PDZRN3: variants seen among roughly 807,000 people sequenced by gnomAD.
PDZRN3 encodes PDZ domain containing ring finger 3.
In PDZRN3, 38 loss-of-function variants were observed where a neutral mutation model predicts 85.7. The ratio of observed to expected loss-of-function variants is 0.44; its 90% CI spans 0.34 to 0.58. PDZRN3 has a LOEUF of 0.58. Ranked by LOEUF, PDZRN3 falls within the 20% of genes least tolerant of loss-of-function variation. The pLI is 0.01. For synonymous variants in PDZRN3, 759 were observed against 638.0 expected (o/e 1.19, Z -2.86); for missense variants, 1,629 against 1,506.4 (o/e 1.08, Z -1.35).
chr3:73,553,808 A>T (rs995202381), intron 3 of PDZRN3, among the ~76,000 whole-genome samples: 1 of 152,138 alleles, frequency 6.6e-6, no homozygotes, highest in Non-Finnish European at 1.5e-5. Flanking sequence ...AGCTCTGGCA[A>T]AGTAGTGGCG....
intron 3 of PDZRN3, among the ~76,000 whole-genome samples, chr3:73,441,991 A>T (rs1278794385): frequency 6.6e-6 from 1 of 152,194 alleles, no homozygotes; most frequent in Non-Finnish European, 1.5e-5. Flanking sequence ...AAGGGTCTCA[A>T]TCATGGTCCA....
intron 3 of PDZRN3, among the ~76,000 whole-genome samples, chr3:73,578,225 A>T (rs1019653315): frequency 2.1e-5 from 3 of 144,274 alleles, no homozygotes; most frequent in African/African-American, 7.8e-5. Flanking sequence ...GTGCGAGTGC[A>T]GTGGCACGAT....
Position 73,597,737 on chromosome 3 carries a change from A to G in PDZRN3, c.918+4617T>C, listed in dbSNP as rs7610529. Among the ~76,000 whole-genome samples the G allele has an allele frequency of 8.6e-4, 128 of 148,628 alleles. No individual in the cohort carries two copies. In the South Asian group the frequency reaches 0.011, roughly 13 times the overall value. ...GGAGTGTTTAACTTATAGGCAAGCC[A>G]TGACCAAAAAAAAAAAAAAAAGATG... On this transcript the variant is annotated intron_variant, in intron 3 of 9. Transcript: ENST00000263666.
intron 3 of PDZRN3, among the ~76,000 whole-genome samples, chr3:73,543,015 G>T (rs756205931): frequency 6.6e-6 from 1 of 152,122 alleles, no homozygotes; most frequent in Non-Finnish European, 1.5e-5. Context: ...ACTCTATTTG[G>T]TGATTAATAT....
intron 5 of PDZRN3, among the ~76,000 whole-genome samples, chr3:73,391,992 G>A (rs1174769942): frequency 1.3e-5 from 2 of 152,162 alleles, no homozygotes; most frequent in African/African-American, 4.8e-5. Context: ...TCTGAGATGG[G>A]GTCTTCGTGC....
chr3:73,447,365 C>T (rs1050853364), intron 3 of PDZRN3, among the ~76,000 whole-genome samples: 2 of 152,204 alleles, frequency 1.3e-5, no homozygotes, highest in Non-Finnish European at 1.5e-5. Flanking sequence ...TCCTCCCTCT[C>T]CAGGCCGACA....
At chr3:73,552,732 C>T (rs1346246204) in intron 3 of PDZRN3, among the ~76,000 whole-genome samples, 1 of 152,218 alleles carries the variant, frequency 6.6e-6, no homozygotes, top group Non-Finnish European at 1.5e-5. Context: ...AGAACAGGTG[C>T]TAGTCCTTGG....
chr3:73,588,004 A>G (rs1213220853), intron 3 of PDZRN3, among the ~76,000 whole-genome samples: 1 of 152,238 alleles, frequency 6.6e-6, no homozygotes, highest in African/African-American at 2.4e-5. Flanking sequence ...CATGTGCAGA[A>G]CATGCAGGTT....
At chr3:73,570,010 G>T (rs536898461) in intron 3 of PDZRN3, among the ~76,000 whole-genome samples, 1 of 152,224 alleles carries the variant, frequency 6.6e-6, no homozygotes, top group East Asian at 1.9e-4. Context: ...TCAGCCTTTA[G>T]CCTTCTATTA....
rs751406245 is a variant in PDZRN3 at position 73,384,431 on chromosome 3, T to C, written c.2135A>G (p.Lys712Arg). 1.6e-5 allele frequency: 25 copies of C among 1,611,500 alleles called. 1 individual carries two copies. In the South Asian group the frequency reaches 2.6e-4, roughly 17 times the overall value. Reference sequence around the variant, plus strand: ...CATCCAGGACTCGCGGTACTGCTCCTTGAGCTGCTGCATCTTGTGGGCGCG... The same window carrying C: ...CATCCAGGACTCGCGGTACTGCTCCCTGAGCTGCTGCATCTTGTGGGCGCG... ...IVRAHKMQQL[K>R]EQYRESWMLH... Residue 712 changes from lysine (K) to arginine (R), a missense_variant, in exon 10 of 10, where the codon AAG (lysine) becomes AGG (arginine). Transcript: ENST00000263666.
At chr3:73,566,430 A>C (rs1701951603) in intron 3 of PDZRN3, among the ~76,000 whole-genome samples, 1 of 152,230 alleles carries the variant, frequency 6.6e-6, no homozygotes, top group African/African-American at 2.4e-5. Context: ...TAGAAGGAAA[A>C]TATGAATTTA....
intron 3 of PDZRN3, among the ~76,000 whole-genome samples, chr3:73,468,265 A>G (rs1339381554): frequency 6.6e-6 from 1 of 152,172 alleles, no homozygotes; most frequent in Non-Finnish European, 1.5e-5. Flanking sequence ...AGCCTCTAGA[A>G]GCTGGAAAAG....
In PDZRN3 at chr3:73,531,791, A is replaced by G. The variant is rs534516153; in HGVS notation, c.918+70563T>C. Among the ~76,000 whole-genome samples, 164 of 152,274 alleles carry G rather than the reference A, an allele frequency of 1.1e-3. 1 individual carries two copies. Among genetic ancestry groups the G allele is most frequent in the African/African-American group, 3.5e-3 (144 of 41,546 alleles). On this transcript the variant is annotated intron_variant, in intron 3 of 9. Coordinates refer to ENST00000263666, the MANE Select transcript of PDZRN3 (RefSeq NM_015009.3). ...CTAATGTCTAGACCGAGTGTCATCAATACTTTAGCTGCATTCAGGGTTCAG... is the reference window on the plus strand; with the variant it reads ...CTAATGTCTAGACCGAGTGTCATCAGTACTTTAGCTGCATTCAGGGTTCAG...
At chr3:73,550,235 G>A (rs1268114879) in intron 3 of PDZRN3, among the ~76,000 whole-genome samples, 5 of 152,114 alleles carry the variant, frequency 3.3e-5, no homozygotes, top group Non-Finnish European at 7.4e-5. Flanking sequence ...GCAAAGTCTC[G>A]CCGCCACCCC....
rs371729071 is a variant in PDZRN3, at chr3:73,540,474, A to T, written c.918+61880T>A. On this transcript the variant is annotated intron_variant, in intron 3 of 9. Coordinates refer to ENST00000263666, the MANE Select transcript of PDZRN3 (RefSeq NM_015009.3). ...CCCCACCCAAATCTCATCTTAAATT[A>T]TGGTTCCCATCATCCCCACGTATTG... 3.3e-5 allele frequency among the ~76,000 whole-genome samples: 5 copies of T among 152,204 alleles called. No individual in the cohort carries two copies. The East Asian group carries it at 7.7e-4, about 23-fold the overall frequency.
At chr3:73,600,443 T>C (rs1354673217) in intron 3 of PDZRN3, among the ~76,000 whole-genome samples, 1 of 151,814 alleles carries the variant, frequency 6.6e-6, no homozygotes, top group Non-Finnish European at 1.5e-5. Context: ...TTTTCAGTCA[T>C]GGGAATCACT....
intron 3 of PDZRN3, among the ~76,000 whole-genome samples, chr3:73,582,397 C>T (rs2106868633): frequency 6.6e-6 from 1 of 152,216 alleles, no homozygotes; most frequent in African/African-American, 2.4e-5. Context: ...TCAGAAACCA[C>T]TCCACTCACC....
chr3:73,536,702 G>T (rs1435980355), intron 3 of PDZRN3, among the ~76,000 whole-genome samples: 1 of 152,148 alleles, frequency 6.6e-6, no homozygotes, highest in Non-Finnish European at 1.5e-5. Flanking sequence ...CAGCTGTCCT[G>T]GTCCTTAAGT....
intron 3 of PDZRN3, among the ~76,000 whole-genome samples, chr3:73,514,921 C>T (rs116811618): frequency 9.9e-5 from 15 of 152,252 alleles, no homozygotes; most frequent in Non-Finnish European, 2.1e-4. Context: ...ATTTTACAGA[C>T]GAGTAAACAA....
Sources: allele counts gnomAD v4.1 joint callset (sites outside exome capture counted in the v4.1 genomes callset), GRCh38; gene constraint gnomAD v4.1.1; transcripts MANE v1.5; gene names NCBI Gene and HGNC (gene_info 2026-07-23, HGNC 2026-07-21).